ZEB1: variants seen among roughly 807,000 people sequenced by gnomAD.
ZEB1 encodes zinc finger E-box-binding homeobox 1.
In ZEB1, 21 loss-of-function variants were observed where a neutral mutation model predicts 84.9. That is an observed-to-expected ratio of 0.25 (90% CI 0.18 to 0.36). The LOEUF (loss-of-function observed/expected upper bound fraction) is 0.36. Ranked by LOEUF, ZEB1 falls within the 10% of genes least tolerant of loss-of-function variation. The pLI, the probability that ZEB1 is intolerant of heterozygous loss-of-function variation, is 1.00. For missense variants in ZEB1, 1,104 were observed against 1,330.2 expected, an observed-to-expected ratio of 0.83 and a Z score of 2.65; for synonymous variants, 420 against 471.1, an observed-to-expected ratio of 0.89 and a Z score of 1.41.
intron 1 of ZEB1, among the ~76,000 whole-genome samples, chr10:31,413,112 A>G (rs161251): frequency 0.048 from 7,378 of 152,302 alleles, 190 homozygotes; most frequent in South Asian, 0.065. Context: ...CATTAGTTCT[A>G]CACCTCATTT....
chr10:31,513,785 G>A (rs940162560), intron 5 of ZEB1, among the ~76,000 whole-genome samples: 5 of 152,030 alleles, frequency 3.3e-5, no homozygotes, highest in African/African-American at 9.7e-5. Context: ...ACCATGGCTC[G>A]CTAAATGACT....
rs750468738 is a variant in ZEB1 at position 31,521,257 on chromosome 10, C to T, written c.1925C>T (p.Ser642Phe). ...KMQAGQISVQ[S>F]SEPSSPEPGK... ...CAAGCTGGACAGATTTCAGTGCAGTCTTCTGAACCATCTTCTCCTGAACCA... is the reference window on the plus strand; with the variant it reads ...CAAGCTGGACAGATTTCAGTGCAGTTTTCTGAACCATCTTCTCCTGAACCA... Residue 642 changes from serine (S) to phenylalanine (F), a missense_variant, in exon 7 of 9, where the codon TCT (serine) becomes TTT (phenylalanine). Physicochemically the swap from Ser to Phe is radical, Grantham distance 155 (BLOSUM62 -2). Transcript: ENST00000424869. 2 of 1,614,090 alleles carry T rather than the reference C, an allele frequency of 1.2e-6. No homozygotes were observed. Among genetic ancestry groups the T allele is most frequent in the East Asian group, 2.2e-5 (1 of 44,838 alleles).
At chr10:31,385,652 C>A (rs1255864010) in intron 1 of ZEB1, among the ~76,000 whole-genome samples, 2 of 151,952 alleles carry the variant, frequency 1.3e-5, no homozygotes, top group Non-Finnish European at 2.9e-5. Context: ...TTAGCCCCCC[C>A]AAGTAACTGG....
At chr10:31,338,217 A>G (rs2038601606) in intron 1 of ZEB1, among the ~76,000 whole-genome samples, 1 of 152,214 alleles carries the variant, frequency 6.6e-6, no homozygotes, top group Admixed American at 6.5e-5. Flanking sequence ...ACTTGTGGAT[A>G]TAACATTTCA....
At chr10:31,473,319 CA>C (rs1344614757) in intron 2 of ZEB1, among the ~76,000 whole-genome samples, 1 of 149,090 alleles carries the variant, frequency 6.7e-6, no homozygotes, top group Non-Finnish European at 1.5e-5. Flanking sequence ...CCCATTGTCT[CA>C]GCCCAAAATC....
At chr10:31,473,008 AC>A (rs2063497317) in intron 2 of ZEB1, among the ~76,000 whole-genome samples, 2 of 140,032 alleles carry the variant, frequency 1.4e-5, no homozygotes, top group Admixed American at 6.8e-5. Flanking sequence ...AAATTCAACA[AC>A]CCTTCATGCT....
intron 1 of ZEB1, among the ~76,000 whole-genome samples, chr10:31,337,339 G>A (rs1249388134): frequency 6.6e-6 from 1 of 151,746 alleles, no homozygotes; most frequent in African/African-American, 2.4e-5. Flanking sequence ...GATATCACAG[G>A]TCAGGATAAT....
rs369581136 is a variant in ZEB1 at position 31,523,948 on chromosome 10, A to T, written c.2620A>T (p.Thr874Ser). Reference protein sequence around the residue: ...PNGNQDERQDTSSEGVSNVED... With the variant: ...PNGNQDERQDSSSEGVSNVED... ...CTCCCTCTAGGATGAAAGACAAGAT[A>T]CTAGCTCAGAAGGAGTATCAAATGT... Residue 874 changes from threonine (T) to serine (S), a missense_variant, in exon 8 of 9, where the codon ACT (threonine) becomes TCT (serine). Physicochemically the swap from Thr to Ser is moderately conservative, Grantham distance 58. Around this residue, in one of 7 missense-constraint regions of ZEB1, gnomAD observed 531 missense variants for 575.2 expected, o/e 0.92. Coordinates refer to ENST00000424869, the MANE Select transcript of ZEB1 (RefSeq NM_001174096.2). 6.2e-7 allele frequency: 1 copy of T among 1,613,982 alleles called. No individual in the cohort carries two copies. Among genetic ancestry groups the T allele is most frequent in the Middle Eastern group, 1.7e-4 (1 of 6,056 alleles).
intron 1 of ZEB1, among the ~76,000 whole-genome samples, chr10:31,424,276 G>C (rs2056636672): frequency 6.6e-6 from 1 of 151,786 alleles, no homozygotes; most frequent in Admixed American, 6.6e-5. Context: ...TCATGACTTT[G>C]CATAACATTG....
intron 2 of ZEB1, among the ~76,000 whole-genome samples, chr10:31,463,602 C>T (rs1365831930): frequency 6.6e-6 from 1 of 152,186 alleles, no homozygotes; most frequent in Non-Finnish European, 1.5e-5. Flanking sequence ...TTTTCCATCT[C>T]TACCATCCTT....
chr10:31,495,743 A>G lies in ZEB1; in HGVS notation c.260-33A>G, dbSNP rs900529637. ...GTCTTTCGTTTGTATTAGGAACACT[A>G]TAGATCTATTTTAATTTCTTCTTTG... On this transcript the variant is annotated intron_variant, in intron 2 of 8. Coordinates refer to ENST00000424869, the MANE Select transcript of ZEB1 (RefSeq NM_001174096.2). 4.4e-6 allele frequency: 7 copies of G among 1,583,292 alleles called. No homozygotes were observed. In the Middle Eastern group the frequency reaches 5.0e-4, roughly 113 times the overall value.
chr10:31,423,937 T>C (rs1388535001), intron 1 of ZEB1, among the ~76,000 whole-genome samples: 1 of 152,066 alleles, frequency 6.6e-6, no homozygotes, highest in Non-Finnish European at 1.5e-5. Context: ...ATAGTTTATA[T>C]GTTTCTTAGA....
At chr10:31,497,745 C>T (rs1316482639) in intron 3 of ZEB1, among the ~76,000 whole-genome samples, 4 of 151,946 alleles carry the variant, frequency 2.6e-5, no homozygotes, top group Admixed American at 6.6e-5. Flanking sequence ...TTCTGCAGCT[C>T]GTGAAGTTAA....
At chr10:31,490,886 GA>G (rs1353376652) in intron 2 of ZEB1, among the ~76,000 whole-genome samples, 1 of 151,730 alleles carries the variant, frequency 6.6e-6, no homozygotes, top group East Asian at 1.9e-4. Flanking sequence ...TTGTATTCGG[GA>G]TGCAGTCTCC....
chr10:31,502,970 C>G (rs2068376434), intron 4 of ZEB1, among the ~76,000 whole-genome samples: 1 of 151,984 alleles, frequency 6.6e-6, no homozygotes, highest in African/African-American at 2.4e-5. Context: ...GTGGAAAATG[C>G]AATAAAAATG....
At chr10:31,338,941 G>C (rs1331125664) in intron 1 of ZEB1, among the ~76,000 whole-genome samples, 1 of 152,086 alleles carries the variant, frequency 6.6e-6, no homozygotes, top group Non-Finnish European at 1.5e-5. Context: ...ATGTTGACAT[G>C]ATACCTTTGG....
intron 7 of ZEB1, 56 bp from the exon 8 acceptor site, chr10:31,523,877 T>A: frequency 6.3e-7 from 1 of 1,577,408 alleles, no homozygotes; most frequent in Non-Finnish European, 8.7e-7. Context: ...TTTATGTATA[T>A]CTCTTGTTTA....
chr10:31,422,475 T>C (rs2056327395), intron 1 of ZEB1, among the ~76,000 whole-genome samples: 1 of 152,090 alleles, frequency 6.6e-6, no homozygotes, highest in South Asian at 2.1e-4. Flanking sequence ...AGAGACAGTA[T>C]CTTCAGATTA....
intron 1 of ZEB1, among the ~76,000 whole-genome samples, chr10:31,421,931 C>T (rs569356458): frequency 6.6e-6 from 1 of 151,606 alleles, no homozygotes; most frequent in African/African-American, 2.4e-5. Flanking sequence ...CACAGTATTC[C>T]CCCCCTCCCC....
Sources: allele counts gnomAD v4.1 joint callset (sites outside exome capture counted in the v4.1 genomes callset), GRCh38; gene constraint gnomAD v4.1.1; regional missense constraint gnomAD v4.1.1; transcripts MANE v1.5; gene names NCBI Gene and HGNC (gene_info 2026-07-23, HGNC 2026-07-21).